Variants in UBE3C observed in about 807,000 individuals in gnomAD.
The protein encoded by UBE3C is ubiquitin-protein ligase E3C.
Under a neutral mutation model 129.4 loss-of-function variants are expected in UBE3C, and 42 were observed. The ratio of observed to expected loss-of-function variants is 0.32; its 90% CI spans 0.25 to 0.42. The LOEUF (loss-of-function observed/expected upper bound fraction) is 0.42. Among genes scored for constraint, UBE3C ranks in the 10% least tolerant of loss-of-function variants. UBE3C has a pLI of 1.00. For missense variants in UBE3C, 1,049 were observed against 1,319.1 expected, an observed-to-expected ratio of 0.80 and a Z score of 3.17; for synonymous variants, 510 against 492.4, an observed-to-expected ratio of 1.04 and a Z score of -0.47.
rs200778252 is a variant in UBE3C at position 157,188,999 on chromosome 7, C to T, written c.1331+1978C>T. 1.8e-3 allele frequency: 1,087 copies of T among 590,844 alleles called. 8 individuals are homozygous for T. Among genetic ancestry groups the T allele is most frequent in the Non-Finnish European group, 2.1e-3 (673 of 319,502 alleles). The allele number at this position is 590,844 out of a possible 1,614,324, so 36.6% of individuals were successfully genotyped here. A position where few individuals can be genotyped will look rare whatever the true frequency, so the allele number is the denominator to read the frequency against. On this transcript the variant is annotated intron_variant, in intron 10 of 22. Coordinates refer to ENST00000348165, the MANE Select transcript of UBE3C (RefSeq NM_014671.3). ...TTGTACCCTGACATGGAAAGATTTC[C>T]GAGACAGATGCGTACATGAAAACCG...
intron 22 of UBE3C, among the ~76,000 whole-genome samples, chr7:157,264,497 G>C: frequency 7.0e-6 from 1 of 143,124 alleles, no homozygotes; most frequent in Admixed American, 6.9e-5. Context: ...ACAGGTGTGC[G>C]CCAACATGCT....
intron 13 of UBE3C, among the ~76,000 whole-genome samples, chr7:157,212,022 A>T (rs1008259423): frequency 2.0e-5 from 3 of 152,232 alleles, no homozygotes; most frequent in Admixed American, 2.0e-4. Context: ...TTTTTCTGAC[A>T]TGTTACTTTT....
At chr7:157,185,036 AG>A (rs1326630096) in intron 9 of UBE3C, among the ~76,000 whole-genome samples, 1 of 152,216 alleles carries the variant, frequency 6.6e-6, no homozygotes, top group Non-Finnish European at 1.5e-5. Flanking sequence ...TTTATAAAAA[AG>A]AGTGGGTTCT....
At chr7:157,176,062 T>G (rs1808509025) in intron 5 of UBE3C, among the ~76,000 whole-genome samples, 1 of 152,192 alleles carries the variant, frequency 6.6e-6, no homozygotes, top group Admixed American at 6.5e-5. Flanking sequence ...CAAAACACCT[T>G]TAACGTAACT....
At chr7:157,197,509 G>GT (rs74600078) in intron 10 of UBE3C, 36,164 of 635,252 alleles carry the variant, frequency 0.057, 6 homozygotes, top group Non-Finnish European at 0.067. Context: ...AAAATAATTT[G>GT]TTTTTTTTTT....
chr7:157,259,936 C>A (rs1796853735), intron 22 of UBE3C, among the ~76,000 whole-genome samples: 1 of 152,024 alleles, frequency 6.6e-6, no homozygotes, highest in Non-Finnish European at 1.5e-5. Flanking sequence ...GAGTTGGGAC[C>A]CAGTAGAGAG....
intron 18 of UBE3C, among the ~76,000 whole-genome samples, chr7:157,243,071 G>A (rs1362716276): frequency 3.3e-5 from 5 of 151,838 alleles, no homozygotes; most frequent in South Asian, 2.1e-4. Flanking sequence ...AAAAGGAAGC[G>A]TCAACTCCAA....
chr7:157,148,102 A>AT (rs1807655431), intron 1 of UBE3C, among the ~76,000 whole-genome samples: 1 of 148,944 alleles, frequency 6.7e-6, no homozygotes, highest in South Asian at 2.1e-4. Flanking sequence ...TTTTTGTTTT[A>AT]TTTTGTTTTT....
intron 22 of UBE3C, among the ~76,000 whole-genome samples, chr7:157,258,354 A>C (rs1218853510): frequency 1.3e-5 from 2 of 152,192 alleles, no homozygotes; most frequent in Non-Finnish European, 2.9e-5. Context: ...TGAGCCCAGG[A>C]GTTTAAGACC....
intron 4 of UBE3C, among the ~76,000 whole-genome samples, chr7:157,170,765 G>A (rs564964367): frequency 2.0e-5 from 3 of 152,244 alleles, no homozygotes; most frequent in South Asian, 4.1e-4. Context: ...TTGCCAGCAC[G>A]CCTAGGTCAG....
At chr7:157,146,941 G>A (rs192065221) in intron 1 of UBE3C, among the ~76,000 whole-genome samples, 4 of 152,284 alleles carry the variant, frequency 2.6e-5, no homozygotes, top group South Asian at 2.1e-4. Flanking sequence ...GTGAGACACC[G>A]CGCCCAACCA....
At chr7:157,181,861 ATAACATGGTTATTTTCCTGCTTTTC>A (rs1356408210) in intron 7 of UBE3C, among the ~76,000 whole-genome samples, 190 bp downstream of exon 7, 3 of 152,218 alleles carry the variant, frequency 2.0e-5, no homozygotes, top group African/African-American at 7.2e-5. Context: ...TGTGATTCTG[ATAACATGGTTATTTTCCTGCTTTTC>A]TAAGTAACTG....
At chr7:157,225,630 C>T (rs1795854460) in intron 17 of UBE3C, 91 bp downstream of exon 17, 22 of 1,369,900 alleles carry the variant, frequency 1.6e-5, no homozygotes, top group East Asian at 2.6e-5. Context: ...TAGTGTCCAT[C>T]ATCTTGTTCC....
intron 10 of UBE3C, among the ~76,000 whole-genome samples, chr7:157,190,883 T>G (rs1465231696): frequency 6.6e-6 from 1 of 152,210 alleles, no homozygotes; most frequent in African/African-American, 2.4e-5. Context: ...CCATTGCGCT[T>G]TTTTATGCCT....
At chr7:157,255,084 C>T (rs1796717790) in intron 21 of UBE3C, among the ~76,000 whole-genome samples, 1 of 152,072 alleles carries the variant, frequency 6.6e-6, no homozygotes, top group South Asian at 2.1e-4. Context: ...CATGCCACTG[C>T]ACTCCAGCCT....
intron 17 of UBE3C, among the ~76,000 whole-genome samples, chr7:157,226,601 A>G (rs1403217554): frequency 2.0e-5 from 3 of 152,244 alleles, no homozygotes; most frequent in African/African-American, 4.8e-5. Context: ...ATTTTCTTCT[A>G]AGGAAATGAA....
intron 10 of UBE3C, chr7:157,198,375 T>C: frequency 2.7e-6 from 2 of 741,260 alleles, no homozygotes; most frequent in Middle Eastern, 3.6e-4. Flanking sequence ...TTTCTTGATA[T>C]GTCATCCCTT....
intron 22 of UBE3C, among the ~76,000 whole-genome samples, chr7:157,260,074 T>C (rs1383875486): frequency 6.7e-6 from 1 of 148,202 alleles, no homozygotes; most frequent in Non-Finnish European, 1.5e-5. Flanking sequence ...ATACCATCAC[T>C]CAATGATATC....
chr7:157,197,483 A>G, intron 10 of UBE3C: 2 of 756,278 alleles, frequency 2.6e-6, no homozygotes, highest in Non-Finnish European at 3.9e-6. Context: ...ACCAAAATTT[A>G]TCTGTAAAAA....
Sources: gnomAD v4.1 joint callset for allele counts (sites outside exome capture counted in the v4.1 genomes callset) on GRCh38, gnomAD v4.1.1 for gene constraint, MANE v1.5 for transcripts, NCBI Gene and HGNC (gene_info 2026-07-23, HGNC 2026-07-21) for gene names.